The following NREP variants were observed in gnomAD, a reference collection of about 807,000 sequenced individuals.
The protein encoded by NREP is neuronal regeneration related protein.
In NREP, 5 loss-of-function variants were observed where a neutral mutation model predicts 8.6. The observed-to-expected ratio is 0.58, with a 90% confidence interval of 0.30 to 1.22. The LOEUF is 1.22. NREP is among the 50% of genes most tolerant of loss of function. NREP has a pLI of 0.07. For synonymous variants in NREP, 27 were observed against 28.0 expected, an observed-to-expected ratio of 0.96 and a Z score of 0.11; for missense variants, 86 against 82.5, an observed-to-expected ratio of 1.04 and a Z score of -0.17.
intron 2 of NREP, among the ~76,000 whole-genome samples, chr5:111,857,959 A>G (rs1337013689): frequency 6.6e-6 from 1 of 151,608 alleles, no homozygotes; most frequent in African/African-American, 2.4e-5. Flanking sequence ...ACTCCAAAGG[A>G]GATTAAAAAA....
chr5:111,819,120 A>C (rs375086757), intron 2 of NREP, among the ~76,000 whole-genome samples: 2 of 152,172 alleles, frequency 1.3e-5, no homozygotes, highest in African/African-American at 4.8e-5. Flanking sequence ...CTCTAGTTTC[A>C]GTAAACAACT....
intron 2 of NREP, among the ~76,000 whole-genome samples, chr5:111,852,088 A>G (rs1753324052): frequency 6.6e-6 from 1 of 152,132 alleles, no homozygotes; most frequent in Non-Finnish European, 1.5e-5. Flanking sequence ...AGTGCCTTAT[A>G]AAAGAGCTGG....
intron 2 of NREP, among the ~76,000 whole-genome samples, chr5:111,740,237 G>A (rs1749532117): frequency 1.3e-5 from 2 of 152,030 alleles, no homozygotes; most frequent in African/African-American, 2.4e-5. Context: ...TACTAATCAT[G>A]ACTTGTATTT....
chr5:111,804,551 C>T (rs532936621), intron 2 of NREP, among the ~76,000 whole-genome samples: 1 of 152,156 alleles, frequency 6.6e-6, no homozygotes, highest in East Asian at 1.9e-4. Flanking sequence ...CATTAAGCAA[C>T]AATAAAATTT....
intron 2 of NREP, among the ~76,000 whole-genome samples, chr5:111,830,220 A>G (rs1483245284): frequency 1.3e-5 from 2 of 152,302 alleles, no homozygotes; most frequent in African/African-American, 4.8e-5. Context: ...TGTGGCCCAA[A>G]AGAATTCTTC....
At chr5:111,914,824 G>A (rs1443495917) in intron 2 of NREP, among the ~76,000 whole-genome samples, 2 of 152,102 alleles carry the variant, frequency 1.3e-5, no homozygotes, top group African/African-American at 4.8e-5. Context: ...TTTGTCTTAG[G>A]TTGTTAGAAA....
intron 2 of NREP, among the ~76,000 whole-genome samples, chr5:111,790,054 C>T (rs962957125): frequency 2.0e-5 from 3 of 151,784 alleles, no homozygotes; most frequent in African/African-American, 7.3e-5. Context: ...ATAGAAAGAA[C>T]AATTATGAGC....
At chr5:111,955,858 A>T (rs1406956467) in intron 2 of NREP, among the ~76,000 whole-genome samples, 2 of 151,650 alleles carry the variant, frequency 1.3e-5, no homozygotes, top group Non-Finnish European at 2.9e-5. Flanking sequence ...CAACACTAAC[A>T]TAAGGGATGA....
intron 2 of NREP, among the ~76,000 whole-genome samples, chr5:111,941,544 T>G (rs987460325): frequency 6.6e-6 from 1 of 152,104 alleles, no homozygotes; most frequent in Non-Finnish European, 1.5e-5. Context: ...TAAACTGCAC[T>G]GTAACAGGCT....
At position 111,829,693 on chromosome 5, in the gene NREP, C is replaced by A. The variant is rs895004072; in HGVS notation, c.136-94186G>T. Among the ~76,000 whole-genome samples, 8 of 152,288 alleles carry A rather than the reference C, an allele frequency of 5.3e-5. No individual in the cohort carries two copies. In the East Asian group the frequency reaches 1.5e-3, roughly 29 times the overall value. On this transcript the variant is annotated intron_variant, in intron 2 of 3. Coordinates refer to the NREP transcript ENST00000395634. ...CCTGGTATCTGACTCTCAGTCTAGA[C>A]TTTACCTGAACTCAATCTTCTGAGC... is the stretch of plus-strand genomic sequence containing the variant.
At chr5:111,881,267 C>T (rs1239015781) in intron 2 of NREP, among the ~76,000 whole-genome samples, 1 of 152,200 alleles carries the variant, frequency 6.6e-6, no homozygotes, top group African/African-American at 2.4e-5. Context: ...GGCAGCCAGG[C>T]TGGGGGAGGG....
chr5:111,949,006 G>A (rs1756075891), intron 2 of NREP: 1 of 151,980 alleles, frequency 6.6e-6, no homozygotes, highest in African/African-American at 2.4e-5. Flanking sequence ...CATGGAACCT[G>A]AGCAAGAAAA....
At chr5:111,879,077 T>C (rs906176501) in intron 2 of NREP, among the ~76,000 whole-genome samples, 2 of 152,312 alleles carry the variant, frequency 1.3e-5, no homozygotes, top group East Asian at 1.9e-4. Flanking sequence ...GCCTTCCGCA[T>C]AGTAATGAGT....
At chr5:111,919,858 A>C (rs1755174811) in intron 2 of NREP, among the ~76,000 whole-genome samples, 1 of 146,472 alleles carries the variant, frequency 6.8e-6, no homozygotes, top group Admixed American at 7.1e-5. Flanking sequence ...GTATCCCAGA[A>C]CTTGAAGAGA....
intron 2 of NREP, among the ~76,000 whole-genome samples, chr5:111,939,842 G>A (rs1755782488): frequency 6.6e-6 from 1 of 152,032 alleles, no homozygotes; most frequent in Non-Finnish European, 1.5e-5. Context: ...TGTTGGCCAT[G>A]AGTCCAAAGT....
At chr5:111,965,694 A>G (rs1418662852) in intron 2 of NREP, among the ~76,000 whole-genome samples, 7 of 152,328 alleles carry the variant, frequency 4.6e-5, no homozygotes, top group Non-Finnish European at 1.5e-5. Flanking sequence ...TCTTTTTAAA[A>G]CCAAACCACA....
In NREP at chr5:111,856,024, C is replaced by G. The variant is rs377525682; in HGVS notation, c.135+119250G>C. On this transcript the variant is annotated intron_variant, in intron 2 of 3. Coordinates refer to the NREP transcript ENST00000395634. ...GGCCAGCTTTGGTTAACTTGCTGGG[C>G]ACCAGCTGGAGAGGCCTCTCTCCAT... Among the ~76,000 whole-genome samples the G allele has an allele frequency of 1.5e-4, 23 of 152,284 alleles. No individual in the cohort carries two copies. In the East Asian group the frequency reaches 1.5e-3, roughly 10 times the overall value.
chr5:111,845,047 G>T (rs6594547), intron 2 of NREP, among the ~76,000 whole-genome samples: 148,158 of 152,168 alleles, frequency 0.97, 72,285 homozygotes, highest in Middle Eastern at 0.99. Context: ...GGGGTGGGTC[G>T]GGAGCCTGGG....
At chr5:111,778,304 G>A (rs1037219267) in intron 2 of NREP, among the ~76,000 whole-genome samples, 5 of 152,122 alleles carry the variant, frequency 3.3e-5, no homozygotes, top group East Asian at 1.9e-4. Flanking sequence ...ATCAATGCAC[G>A]TGCCAAGTGC....
Sources: allele counts gnomAD v4.1 joint callset (sites outside exome capture counted in the v4.1 genomes callset), GRCh38; gene constraint gnomAD v4.1.1; transcripts MANE v1.5; gene names NCBI Gene and HGNC (gene_info 2026-07-23, HGNC 2026-07-21).